Variants in GRAMD2B observed in about 807,000 individuals in gnomAD.
GRAMD2B encodes GRAM domain-containing protein 2B.
Under a neutral mutation model 59.2 loss-of-function variants are expected in GRAMD2B, and 41 were observed. That is an observed-to-expected ratio of 0.69 (90% CI 0.54 to 0.90). The LOEUF (loss-of-function observed/expected upper bound fraction) is 0.90, where lower values mean the gene tolerates loss of function less well. GRAMD2B is among the 40% of genes least tolerant of loss of function. The pLI is 0.00. For synonymous variants in GRAMD2B, 161 were observed against 182.7 expected (o/e 0.88, Z 0.96); for missense variants, 424 against 500.5 (o/e 0.85, Z 1.46).
At chr5:126,477,903 G>A in intron 6 of GRAMD2B, 116 bp downstream of exon 6, 1 of 686,636 alleles carries the variant, frequency 1.5e-6, no homozygotes, top group Middle Eastern at 2.9e-4. Flanking sequence ...CATCTCCTGT[G>A]GTGAATCAGG....
chr5:126,474,002 G>T (rs534308075), intron 5 of GRAMD2B, among the ~76,000 whole-genome samples: 1 of 152,272 alleles, frequency 6.6e-6, no homozygotes, highest in Non-Finnish European at 1.5e-5. Flanking sequence ...AGGCATTAAG[G>T]AGAACAGCCT....
chr5:126,380,754 T>G (rs1755592196), intron 1 of GRAMD2B, among the ~76,000 whole-genome samples: 1 of 152,236 alleles, frequency 6.6e-6, no homozygotes, highest in Admixed American at 6.5e-5. Flanking sequence ...TAATTTTGTA[T>G]CCAGAAACTT....
chr5:126,372,953 AATAC>A (rs1273446512), intron 1 of GRAMD2B, among the ~76,000 whole-genome samples: 4 of 152,180 alleles, frequency 2.6e-5, no homozygotes, highest in African/African-American at 9.6e-5. Context: ...ACAAATACAA[AATAC>A]ATAAAGTATA....
At chr5:126,372,659 A>G (rs1256992215) in intron 1 of GRAMD2B, among the ~76,000 whole-genome samples, 2 of 152,192 alleles carry the variant, frequency 1.3e-5, no homozygotes, top group Admixed American at 6.5e-5. Flanking sequence ...CATTATTAAA[A>G]TGAATCTATC....
At chr5:126,398,174 C>A (rs1332014041) in intron 1 of GRAMD2B, among the ~76,000 whole-genome samples, 1 of 151,772 alleles carries the variant, frequency 6.6e-6, no homozygotes, top group African/African-American at 2.4e-5. Flanking sequence ...CAGTCATGCA[C>A]CACCATGCCA....
chr5:126,444,165 G>A (rs1295871397), intron 1 of GRAMD2B, among the ~76,000 whole-genome samples: 2 of 152,114 alleles, frequency 1.3e-5, no homozygotes, highest in African/African-American at 4.8e-5. Context: ...AAAACAGGTG[G>A]AGCACACTGT....
intron 1 of GRAMD2B, among the ~76,000 whole-genome samples, chr5:126,395,072 A>G (rs1757244241): frequency 7.9e-6 from 1 of 126,930 alleles, no homozygotes; most frequent in Non-Finnish European, 1.7e-5. Context: ...TGCAGTTCTT[A>G]TAACTTAGAG....
intron 5 of GRAMD2B, 46 bp from the exon 6 acceptor site, chr5:126,477,646 G>T (rs113807225): frequency 4.0e-6 from 4 of 1,012,186 alleles, no homozygotes; most frequent in Admixed American, 3.4e-5. Context: ...TTGAAGTGCT[G>T]TTCTGTCAAG....
chr5:126,435,644 G>C (rs1226452577), intron 1 of GRAMD2B, among the ~76,000 whole-genome samples: 1 of 152,190 alleles, frequency 6.6e-6, no homozygotes, highest in African/African-American at 2.4e-5. Flanking sequence ...AGGGCTGAAT[G>C]ACCTGATTTA....
chr5:126,405,030 G>T (rs1370895328), intron 1 of GRAMD2B, among the ~76,000 whole-genome samples: 1 of 151,882 alleles, frequency 6.6e-6, no homozygotes, highest in Admixed American at 6.6e-5. Context: ...AATTATAAGT[G>T]GTAGATCATG....
At chr5:126,480,579 A>C in intron 7 of GRAMD2B, 48 bp from the exon 8 acceptor site, 1 of 1,607,340 alleles carries the variant, frequency 6.2e-7, no homozygotes, top group Non-Finnish European at 8.5e-7. Flanking sequence ...TGTATTTCTT[A>C]TGGTTTCATA....
At chr5:126,401,517 T>A (rs1166529921) in intron 1 of GRAMD2B, among the ~76,000 whole-genome samples, 1 of 152,050 alleles carries the variant, frequency 6.6e-6, no homozygotes, top group Non-Finnish European at 1.5e-5. Flanking sequence ...TTTTTTTTCA[T>A]GTTTTTTGAA....
intron 1 of GRAMD2B, among the ~76,000 whole-genome samples, chr5:126,399,453 T>C (rs1757640268): frequency 6.6e-6 from 1 of 152,140 alleles, no homozygotes; most frequent in African/African-American, 2.4e-5. Context: ...CTTGTAATAG[T>C]GTGTGAGTTC....
upstream of GRAMD2B, among the ~76,000 whole-genome samples, chr5:126,370,127 C>T (rs952614592): frequency 1.8e-4 from 28 of 152,138 alleles, no homozygotes; most frequent in Non-Finnish European, 8.8e-5. Flanking sequence ...CCAGTTTGCC[C>T]AGCACTAAAG....
At chr5:126,484,693 C>T in intron 10 of GRAMD2B, among the ~76,000 whole-genome samples, 169 bp downstream of exon 10, 1 of 152,004 alleles carries the variant, frequency 6.6e-6, no homozygotes, top group East Asian at 1.9e-4. Flanking sequence ...AAGCGATTCT[C>T]GTACCTCAGC....
chr5:126,411,729 C>A (rs762075919), intron 1 of GRAMD2B, among the ~76,000 whole-genome samples: 2 of 151,956 alleles, frequency 1.3e-5, no homozygotes, highest in African/African-American at 2.4e-5. Context: ...TTTTTCCAAT[C>A]CATGAACATG....
At chr5:126,410,497 T>A (rs1758686639) in intron 1 of GRAMD2B, among the ~76,000 whole-genome samples, 1 of 151,952 alleles carries the variant, frequency 6.6e-6, no homozygotes, top group African/African-American at 2.4e-5. Flanking sequence ...GTTTGTCTGT[T>A]ATTGGTGTAT....
Position 126,493,872 on chromosome 5 carries a change from C to T in GRAMD2B, c.*916C>T, listed in dbSNP as rs1774327815. The T allele has an allele frequency of 6.6e-6, 1 of 152,516 alleles. No homozygotes were observed. Among genetic ancestry groups the T allele is most frequent in the Non-Finnish European group, 1.5e-5 (1 of 67,986 alleles). 9.4% of individuals were successfully genotyped at this position (152,516 alleles called of 1,614,324 possible). ...AGCATGAAATTTGTATGTTTTTATC[C>T]TTTGCTGACTAAAATAAAATAACTG... is the stretch of plus-strand genomic sequence containing the variant. On this transcript the variant is annotated 3_prime_UTR_variant, in exon 14 of 14. Transcript: ENST00000285689.
At chr5:126,425,667 G>A (rs1173243711) in intron 1 of GRAMD2B, among the ~76,000 whole-genome samples, 1 of 152,196 alleles carries the variant, frequency 6.6e-6, no homozygotes, top group Non-Finnish European at 1.5e-5. Flanking sequence ...TCGGGAGGCT[G>A]AGGTGGGAGA....
Sources: gnomAD v4.1 joint callset for allele counts (sites outside exome capture counted in the v4.1 genomes callset) on GRCh38, gnomAD v4.1.1 for gene constraint, MANE v1.5 for transcripts, NCBI Gene and HGNC (gene_info 2026-07-23, HGNC 2026-07-21) for gene names.